The following DNAH3 variants were observed in gnomAD, a reference collection of about 807,000 sequenced individuals.
DNAH3 encodes the protein dynein axonemal heavy chain 3, also known as axonemal beta dynein heavy chain 3.
A neutral mutation model predicts 432.5 loss-of-function variants in DNAH3; 332 were observed. That is an observed-to-expected ratio of 0.77 (90% CI 0.70 to 0.84). The LOEUF is 0.84. DNAH3 is among the 40% of genes least tolerant of loss of function. The probability of loss-of-function intolerance (pLI) is 0.00; values close to 1 mark genes in which losing one functional copy is unlikely to be tolerated. For synonymous variants in DNAH3, 1,956 were observed against 1,900.2 expected, an observed-to-expected ratio of 1.03 and a Z score of -0.76; for missense variants, 4,861 against 5,114.0, an observed-to-expected ratio of 0.95 and a Z score of 1.51.
chr16:20,949,870 G>A (rs1336853745), intron 56 of DNAH3, among the ~76,000 whole-genome samples: 1 of 152,208 alleles, frequency 6.6e-6, no homozygotes, highest in Non-Finnish European at 1.5e-5. Flanking sequence ...TGACCGGCAG[G>A]CAGTTGGTTT....
rs546739986 is a variant in DNAH3 at position 21,105,117 on chromosome 16, A to G, written c.2285-565T>C. ...CTGGGTTTCCTTTGTGAATTTCGGG[A>G]GGCAGAGCCCACAGTGAGAGTCCAC... is the stretch of plus-strand genomic sequence containing the variant. On this transcript the variant is annotated intron_variant, in intron 15 of 61. Transcript: ENST00000261383. Among the ~76,000 whole-genome samples the G allele has an allele frequency of 1.9e-4, 29 of 152,216 alleles. No homozygotes were observed. In the South Asian group the frequency reaches 5.8e-3, roughly 31 times the overall value.
At chr16:20,987,657 C>T (rs1252062980) in intron 46 of DNAH3, 36 bp downstream of exon 46, 1 of 1,607,434 alleles carries the variant, frequency 6.2e-7, no homozygotes, top group African/African-American at 1.3e-5. Flanking sequence ...CAAGGATATG[C>T]TGAATGATCT....
Position 21,039,639 on chromosome 16 carries a change from C to T in DNAH3, c.4730+213G>A, listed in dbSNP as rs372405958. On this transcript the variant is annotated intron_variant, in intron 33 of 61. Transcript: ENST00000261383. ...AACTCAGGTGTATGTAAAGAGACAG[C>T]AGGGTTCCGCCCTGGGAATCTGGGC... Among the ~76,000 whole-genome samples the T allele has an allele frequency of 1.1e-4, 16 of 152,190 alleles. No homozygotes were observed. The South Asian group carries it at 2.7e-3, about 26-fold the overall frequency.
intron 41 of DNAH3, among the ~76,000 whole-genome samples, chr16:21,005,185 C>G (rs536289867): frequency 6.7e-6 from 1 of 149,020 alleles, no homozygotes; most frequent in Non-Finnish European, 1.5e-5. Context: ...CTTTTTCTTT[C>G]TCTTTCTCTC....
At chr16:20,984,891 G>C (rs2086112843) in intron 48 of DNAH3, among the ~76,000 whole-genome samples, 158 bp downstream of exon 48, 1 of 151,890 alleles carries the variant, frequency 6.6e-6, no homozygotes. Context: ...TCAGAAGAGT[G>C]AAAAAAGTTG....
At chr16:21,144,536 T>C (rs1166541437) in intron 3 of DNAH3, among the ~76,000 whole-genome samples, 1 of 152,126 alleles carries the variant, frequency 6.6e-6, no homozygotes, top group Non-Finnish European at 1.5e-5. Flanking sequence ...TGTACGCTAG[T>C]GAGGGGCCCT....
At chr16:21,028,251 C>T (rs986748752) in intron 37 of DNAH3, among the ~76,000 whole-genome samples, 1 of 151,848 alleles carries the variant, frequency 6.6e-6, no homozygotes, top group African/African-American at 2.4e-5. Flanking sequence ...ACTGTGTTGC[C>T]CAAGCTGATC....
At chr16:20,955,109 A>G (rs767569650) in intron 54 of DNAH3, 52 bp from the exon 55 acceptor site, 20 of 1,500,632 alleles carry the variant, frequency 1.3e-5, no homozygotes, top group Admixed American at 2.2e-5. Flanking sequence ...AGTTATAGTG[A>G]AAAGCAACAA....
chr16:21,079,890 A>T (rs7205874), intron 20 of DNAH3, among the ~76,000 whole-genome samples: 1,572 of 152,344 alleles, frequency 0.01, 25 homozygotes, highest in African/African-American at 0.036. Context: ...AGAAAGATTC[A>T]GGAGCTGGGA....
chr16:21,042,175 T>C (rs1307707305), exon 32 of DNAH3: 1 of 1,610,548 alleles, frequency 6.2e-7, no homozygotes. Context: ...GCTGAGGATC[T>C]GCTGAGCGAC....
chr16:21,081,644 G>A (rs774483989), exon 20 of DNAH3: 11 of 1,613,310 alleles, frequency 6.8e-6, no homozygotes, highest in African/African-American at 2.7e-5. Flanking sequence ...ACTTTTCAAC[G>A]AATTTGCCGA....
At chr16:20,952,622 G>C in intron 55 of DNAH3, 73 bp from the exon 56 acceptor site, 1 of 959,794 alleles carries the variant, frequency 1.0e-6, no homozygotes, top group South Asian at 1.3e-5. Flanking sequence ...CAAGCCGAGG[G>C]AGTTAAGCAT....
intron 11 of DNAH3, chr16:21,120,525 A>T (rs1382793418): frequency 3.4e-6 from 2 of 595,716 alleles, no homozygotes; most frequent in African/African-American, 3.7e-5. Context: ...TATGTTTTTA[A>T]GTCTTCACTA....
chr16:20,964,584 T>A (rs752094864), exon 53 of DNAH3: 2 of 1,614,114 alleles, frequency 1.2e-6, no homozygotes, highest in Non-Finnish European at 1.7e-6. Context: ...TGACAGCCAG[T>A]TTATTCGCCT....
intron 41 of DNAH3, among the ~76,000 whole-genome samples, chr16:21,010,368 C>G (rs2087533017): frequency 6.6e-6 from 1 of 152,134 alleles, no homozygotes; most frequent in Admixed American, 6.5e-5. Flanking sequence ...CTCTCCTGCA[C>G]TTGGGAAAAT....
intron 41 of DNAH3, among the ~76,000 whole-genome samples, chr16:21,010,898 T>G (rs1370256077): frequency 1.3e-5 from 2 of 151,230 alleles, no homozygotes; most frequent in East Asian, 1.9e-4. Context: ...GTTTTTTTTT[T>G]TTTGTTTTTT....
intron 51 of DNAH3, among the ~76,000 whole-genome samples, chr16:20,971,534 A>T (rs939905192): frequency 6.6e-6 from 1 of 152,170 alleles, no homozygotes; most frequent in Non-Finnish European, 1.5e-5. Flanking sequence ...AGTTTCTTCC[A>T]CTTCCTGACT....
At chr16:21,134,744 A>C (rs745634125) in intron 6 of DNAH3, among the ~76,000 whole-genome samples, 1 of 151,948 alleles carries the variant, frequency 6.6e-6, no homozygotes, top group East Asian at 1.9e-4. Context: ...GCAATGGTTC[A>C]ATCTCAGCTC....
chr16:21,024,257 C>T (rs2088418566), intron 39 of DNAH3, among the ~76,000 whole-genome samples: 1 of 152,116 alleles, frequency 6.6e-6, no homozygotes, highest in Non-Finnish European at 1.5e-5. Context: ...GAAACTTCTA[C>T]AGACATTTCT....
Sources: gnomAD v4.1 joint callset for allele counts (sites outside exome capture counted in the v4.1 genomes callset) on GRCh38, gnomAD v4.1.1 for gene constraint, MANE v1.5 for transcripts, NCBI Gene and HGNC (gene_info 2026-07-23, HGNC 2026-07-21) for gene names.